C10orf71: variants seen among roughly 807,000 people sequenced by gnomAD.
C10orf71 encodes chromosome 10 open reading frame 71.
For missense variants in C10orf71, 1,869 were observed against 1,804.5 expected (o/e 1.04, Z -0.65); for synonymous variants, 758 against 726.3 (o/e 1.04, Z -0.70).
At position 49,325,520 on chromosome 10, in the gene C10orf71, C is replaced by T. The variant is rs1002119156; in HGVS notation, c.2975C>T (p.Ser992Leu). 1 of 1,551,066 alleles carries T rather than the reference C, an allele frequency of 6.4e-7. No homozygotes were observed. Among genetic ancestry groups the T allele is most frequent in the Non-Finnish European group, 8.7e-7 (1 of 1,146,566 alleles). Residue 992 changes from serine to leucine, a missense_variant, in exon 3 of 3, where the codon TCA (serine) becomes TTA (leucine). Transcript: ENST00000374144. ...ASNCKSGSAD[S>L]GKLAAPWHIP... is the part of the protein sequence containing the mutation. ...AATTGCAAGAGCGGTTCTGCAGACT[C>T]AGGGAAGCTGGCAGCCCCATGGCAC...
At chr10:49,313,912 C>T (rs750456221) in intron 1 of C10orf71, among the ~76,000 whole-genome samples, 6 of 152,060 alleles carry the variant, frequency 3.9e-5, no homozygotes, top group Non-Finnish European at 7.4e-5. Flanking sequence ...TGGATGTTTG[C>T]GGGGACCATG....
chr10:49,316,887 C>T lies in C10orf71; in HGVS notation c.-145+640C>T, dbSNP rs115579517. On this transcript the variant is annotated intron_variant, in intron 2 of 2. Coordinates refer to ENST00000374144, the MANE Select transcript of C10orf71 (RefSeq NM_001135196.2). ...AAAACCAAGGGGAGAGGAAATTTCC[C>T]ACAAGGTATCAAGTGCTTTTTCTCA... is the stretch of plus-strand genomic sequence containing the variant. Among the ~76,000 whole-genome samples the T allele has an allele frequency of 6.6e-3, 997 of 152,144 alleles. 6 individuals carry two copies. The highest frequency in any genetic ancestry group is 0.022 in the African/African-American group (920 of 41,494).
chr10:49,327,207 A>G lies in C10orf71; in HGVS notation c.*354A>G. 2.1e-6 allele frequency: 1 copy of G among 479,068 alleles called. No individual in the cohort carries two copies. The highest frequency in any genetic ancestry group is 3.6e-6 in the Non-Finnish European group (1 of 276,090). The allele number at this position is 479,068 out of a possible 1,614,324, so 29.7% of individuals were successfully genotyped here. A position where few individuals can be genotyped will look rare whatever the true frequency, so the allele number is the denominator to read the frequency against. On this transcript the variant is annotated 3_prime_UTR_variant, in exon 3 of 3. Transcript: ENST00000374144. ...GCCCTGCAAATTAGGTGGGTGTGGC[A>G]AGGGCACCGCCTGGTCCCAAGTGTC...
chr10:49,327,118 C>A lies in C10orf71; in HGVS notation c.*265C>A. The A allele has an allele frequency of 2.4e-6, 3 of 1,236,658 alleles. No individual in the cohort carries two copies. The highest frequency in any genetic ancestry group is 3.3e-6 in the Non-Finnish European group (3 of 916,444). The allele number at this position is 1,236,658 out of a possible 1,614,324, so 76.6% of individuals were successfully genotyped here. A position where few individuals can be genotyped will look rare whatever the true frequency, so the allele number is the denominator to read the frequency against. On this transcript the variant is annotated 3_prime_UTR_variant, in exon 3 of 3. Coordinates refer to ENST00000374144, the MANE Select transcript of C10orf71 (RefSeq NM_001135196.2). ...CCCTCCGTGCCAGTTCCCAGGCGCA[C>A]TCTACTCCAGCCCTTCTCCCTCCCT...
chr10:49,306,668 G>A (rs1328264313), intron 1 of C10orf71, among the ~76,000 whole-genome samples: 1 of 152,236 alleles, frequency 6.6e-6, no homozygotes, highest in Non-Finnish European at 1.5e-5. Flanking sequence ...GACTTAGAAA[G>A]TCTATTGGGA....
Position 49,326,319 on chromosome 10 carries a change from CG to C in C10orf71, c.3779del (p.Gly1260AlafsTer35). The C allele has an allele frequency of 1.3e-6, 2 of 1,549,338 alleles. No homozygotes were observed. The highest frequency in any genetic ancestry group is 1.7e-6 in the Non-Finnish European group (2 of 1,146,330). ...GFSEPVGRRP[G>X]GPQSLTPLPA... ...TCTCGGAGCCTGTCGGGAGGCGGCC[CG>C]GGGGCCCCCAGTCCCTCACACCCCT... On this transcript the variant is annotated frameshift_variant, in exon 3 of 3. Transcript: ENST00000374144. LOFTEE classifies it low-confidence loss of function (END_TRUNC).
chr10:49,309,493 G>A (rs1039008394), intron 1 of C10orf71, among the ~76,000 whole-genome samples: 3 of 152,204 alleles, frequency 2.0e-5, no homozygotes, highest in African/African-American at 7.2e-5. Context: ...CCAGAACTGT[G>A]AGGAGTAAAT....
chr10:49,310,776 A>AGATGATGATGATGATGAT (rs10661682), intron 1 of C10orf71, among the ~76,000 whole-genome samples: 1 of 148,802 alleles, frequency 6.7e-6, no homozygotes, highest in African/African-American at 2.5e-5. Flanking sequence ...TCAGGTAGCC[A>AGATGATGATGATGATGAT]GATGATGATG....
intron 1 of C10orf71, among the ~76,000 whole-genome samples, chr10:49,304,744 T>C (rs946261889): frequency 6.6e-6 from 1 of 152,192 alleles, no homozygotes; most frequent in African/African-American, 2.4e-5. Flanking sequence ...TCCCAGGGGC[T>C]GGAGAAAGGA....
chr10:49,323,480 T>G lies in C10orf71; in HGVS notation c.935T>G (p.Leu312Arg). ...APKHYGDTTL[L>R]REPCPPERTV... is the part of the protein sequence containing the mutation. ...AAGCACTATGGGGACACGACCTTGC[T>G]AAGAGAACCCTGTCCTCCTGAGCGC... Residue 312 changes from leucine to arginine, a missense_variant, in exon 3 of 3, where the codon CTA (leucine) becomes CGA (arginine). Leu to Arg is a moderately radical substitution (Grantham distance 102, BLOSUM62 -2). Transcript: ENST00000374144. 6.2e-7 allele frequency: 1 copy of G among 1,613,836 alleles called. No individual in the cohort carries two copies. Among genetic ancestry groups the G allele is most frequent in the East Asian group, 2.2e-5 (1 of 44,878 alleles).
chr10:49,325,731 C>G lies in C10orf71; in HGVS notation c.3186C>G (p.Pro1062=), dbSNP rs10857471. ...ERANSPNPGS[P]GESSACSPAA... ...CGAATTCCCCCAACCCCGGCTCCCCCGGGGAGAGCAGTGCCTGCTCCCCTG... is the reference window on the plus strand; with the variant it reads ...CGAATTCCCCCAACCCCGGCTCCCCGGGGGAGAGCAGTGCCTGCTCCCCTG... The change falls in exon 3 of 3, where the codon CCC becomes CCG. Residue 1062 remains proline (P), a synonymous_variant. Coordinates refer to ENST00000374144, the MANE Select transcript of C10orf71 (RefSeq NM_001135196.2). 0.43 allele frequency: 666,065 copies of G among 1,551,338 alleles called. 146,112 individuals are homozygous for G. The highest frequency in any genetic ancestry group is 0.45 in the South Asian group (37,869 of 84,054).
rs2132445246 is a variant in C10orf71 at position 49,326,374 on chromosome 10, C to T, written c.3829C>T (p.Leu1277Phe). Residue 1277 changes from leucine to phenylalanine, a missense_variant, in exon 3 of 3, where the codon CTC becomes TTC. Leu to Phe is a conservative substitution (Grantham distance 22). Transcript: ENST00000374144. ...CGCGTACCCCGCCACCCAGAAGGTC[C>T]TCCAGGATCCGCAGTCCGGGGAGTA... ...LPAYPATQKV[L>F]QDPQSGEYFV... 2 of 1,550,568 alleles carry T rather than the reference C, an allele frequency of 1.3e-6. No homozygotes were observed. The highest frequency in any genetic ancestry group is 2.4e-5 in the East Asian group (1 of 40,906).
upstream of C10orf71, chr10:49,298,615 G>C (rs1564680191): frequency 2.6e-5 from 4 of 152,232 alleles, no homozygotes; most frequent in Admixed American, 6.5e-5. Flanking sequence ...TGGCAGAACG[G>C]GACTTGTCCA....
Position 49,323,965 on chromosome 10 carries a change from C to G in C10orf71, c.1420C>G (p.Gln474Glu). 6.2e-7 allele frequency: 1 copy of G among 1,613,768 alleles called. No individual in the cohort carries two copies. Among genetic ancestry groups the G allele is most frequent in the Non-Finnish European group, 8.5e-7 (1 of 1,179,782 alleles). ...AGAGCGAACCCCATCACCCCCAGGA[C>G]AGCTAAACGGATACCAAGAGAAGGA... ...PAERTPSPPGQLNGYQEKEPS... is the reference protein window; with the variant it reads ...PAERTPSPPGELNGYQEKEPS... Residue 474 changes from glutamine (Q) to glutamate (E), a missense_variant, in exon 3 of 3, where the codon CAG (glutamine) becomes GAG (glutamate). By Grantham distance (29) the Gln-to-Glu change is conservative. Coordinates refer to ENST00000374144, the MANE Select transcript of C10orf71 (RefSeq NM_001135196.2).
intron 1 of C10orf71, among the ~76,000 whole-genome samples, chr10:49,304,903 A>C (rs1848787649): frequency 6.6e-6 from 1 of 152,244 alleles, no homozygotes; most frequent in Admixed American, 6.5e-5. Flanking sequence ...TTCCTGATCC[A>C]TAAGGGGTTT....
rs1295153870 is a variant in C10orf71 at position 49,326,733 on chromosome 10, T to TG, written c.4189dup (p.Ala1397GlyfsTer28). The TG allele has an allele frequency of 1.3e-6, 2 of 1,551,394 alleles. No homozygotes were observed. The highest frequency in any genetic ancestry group is 2.7e-5 in the African/African-American group (2 of 73,168). On this transcript the variant is annotated frameshift_variant, in exon 3 of 3. Coordinates refer to ENST00000374144, the MANE Select transcript of C10orf71 (RefSeq NM_001135196.2). LOFTEE classifies it low-confidence loss of function (END_TRUNC). ...CTCACGGTGACTGCACCCCGCACTC[T>TG]GCAGGCCAGCGCCCTCATGGTCCTC...
Position 49,324,701 on chromosome 10 carries a change from T to G in C10orf71, c.2156T>G (p.Met719Arg). Residue 719 changes from methionine (M) to arginine (R), a missense_variant, in exon 3 of 3, where the codon ATG becomes AGG. Transcript: ENST00000374144. ...TACAGTGACAGCCAATCCGATTTTA[T>G]GCCAAGCCTCAAAGGTAAGGCCAAA... is the stretch of plus-strand genomic sequence containing the variant. ...VFYSDSQSDF[M>R]PSLKGKAKFS... 6.2e-7 allele frequency: 1 copy of G among 1,604,482 alleles called. No homozygotes were observed.
chr10:49,304,483 G>A (rs1848780220), intron 1 of C10orf71, among the ~76,000 whole-genome samples: 1 of 152,258 alleles, frequency 6.6e-6, no homozygotes, highest in Non-Finnish European at 1.5e-5. Flanking sequence ...CAGGATGGGT[G>A]CCTGGGACTA....
In C10orf71 at chr10:49,323,327, A is replaced by G. The variant is rs1258431800; in HGVS notation, c.782A>G (p.Glu261Gly). The stretch of plus-strand genomic sequence containing the variant: ...CCACACCACAAGCCAGTCACGGGTG[A>G]GCCTGGGAGAGGCAAAGGTACCTTT... ...PSPHHKPVTG[E>G]PGRGKGTFLH... The change falls in exon 3 of 3, where the codon GAG (glutamate) becomes GGG (glycine). Residue 261 changes from glutamate to glycine, a missense_variant. Coordinates refer to ENST00000374144, the MANE Select transcript of C10orf71 (RefSeq NM_001135196.2). 1 of 1,613,796 alleles carries G rather than the reference A, an allele frequency of 6.2e-7. No individual in the cohort carries two copies. The highest frequency in any genetic ancestry group is 1.3e-5 in the African/African-American group (1 of 74,930).
Sources: allele counts gnomAD v4.1 joint callset (sites outside exome capture counted in the v4.1 genomes callset), GRCh38; gene constraint gnomAD v4.1.1; transcripts MANE v1.5; gene names NCBI Gene and HGNC (gene_info 2026-07-23, HGNC 2026-07-21).